SPRED1: variants seen among roughly 807,000 people sequenced by gnomAD.
The protein encoded by SPRED1 is sprouty related EVH1 domain containing 1.
Under a neutral mutation model 52.3 loss-of-function variants are expected in SPRED1, and 18 were observed. That is an observed-to-expected ratio of 0.34 (90% CI 0.24 to 0.51). The LOEUF is 0.51. Ranked by LOEUF, SPRED1 falls within the 20% of genes least tolerant of loss-of-function variation. The pLI is 0.97. For missense variants in SPRED1, 485 were observed against 551.0 expected (o/e 0.88, Z 1.20); for synonymous variants, 155 against 179.7 (o/e 0.86, Z 1.10).
chr15:38,352,557 T>C lies in SPRED1; in HGVS notation c.*893T>C, dbSNP rs542673653. 1 of 152,612 alleles carries C rather than the reference T, an allele frequency of 6.6e-6. No homozygotes were observed. Among genetic ancestry groups the C allele is most frequent in the African/African-American group, 2.4e-5 (1 of 41,570 alleles). 9.5% of individuals were successfully genotyped at this position (152,612 alleles called of 1,614,324 possible). A position where few individuals can be genotyped will look rare whatever the true frequency, so the allele number is the denominator to read the frequency against. On this transcript the variant is annotated 3_prime_UTR_variant, in exon 7 of 7. Transcript: ENST00000299084. The stretch of plus-strand genomic sequence containing the variant: ...CATTATAGAAAAAAAGTGAAGTTTT[T>C]TAGTTGTTTTTTGTGGTATTCAACC...
chr15:38,262,946 T>C (rs1033718868), intron 1 of SPRED1, among the ~76,000 whole-genome samples: 1 of 152,140 alleles, frequency 6.6e-6, no homozygotes, highest in Admixed American at 6.5e-5. Context: ...GACTCAGTAT[T>C]TTAAGTGAGG....
chr15:38,294,374 A>G (rs1450887031), intron 1 of SPRED1, among the ~76,000 whole-genome samples: 3 of 152,138 alleles, frequency 2.0e-5, no homozygotes, highest in Middle Eastern at 6.3e-3. Flanking sequence ...TTGTTTTAAT[A>G]CTATTGTAAT....
intron 4 of SPRED1, among the ~76,000 whole-genome samples, chr15:38,336,462 ATATTT>A (rs1895924753): frequency 1.4e-5 from 2 of 142,890 alleles, no homozygotes; most frequent in African/African-American, 2.5e-5. Context: ...TATATATATA[ATATTT>A]TATATATATG....
chr15:38,282,339 ACACATG>A (rs68161594), intron 1 of SPRED1, among the ~76,000 whole-genome samples: 89,766 of 140,848 alleles, frequency 0.64, 28,627 homozygotes, highest in Non-Finnish European at 0.74. Context: ...ACACACACAC[ACACATG>A]CACACACACA....
chr15:38,287,190 T>C (rs1380604018), intron 1 of SPRED1, among the ~76,000 whole-genome samples: 4 of 152,162 alleles, frequency 2.6e-5, no homozygotes, highest in African/African-American at 9.7e-5. Flanking sequence ...GGTCAGAGTT[T>C]TAGAAGCACA....
chr15:38,320,057 AAAT>A (rs1895571774), intron 2 of SPRED1, among the ~76,000 whole-genome samples: 1 of 152,186 alleles, frequency 6.6e-6, no homozygotes, highest in Non-Finnish European at 1.5e-5. Flanking sequence ...GTAATTGTAA[AAAT>A]ATAGTAAAAT....
At chr15:38,306,991 A>G (rs536538566) in intron 2 of SPRED1, among the ~76,000 whole-genome samples, 1 of 151,928 alleles carries the variant, frequency 6.6e-6, no homozygotes, top group African/African-American at 2.4e-5. Context: ...TCTCTTTTAT[A>G]CCTGATTGTG....
At chr15:38,316,320 A>C (rs1373091859) in intron 2 of SPRED1, among the ~76,000 whole-genome samples, 1 of 151,996 alleles carries the variant, frequency 6.6e-6, no homozygotes, top group Non-Finnish European at 1.5e-5. Context: ...ATTTTCGTAA[A>C]TAACATCTGT....
At chr15:38,339,927 G>C in intron 5 of SPRED1, 32 bp downstream of exon 5, 1 of 1,613,002 alleles carries the variant, frequency 6.2e-7, no homozygotes, top group Non-Finnish European at 8.5e-7. Context: ...TCGGCGCGTT[G>C]TTTATATGTG....
In SPRED1 at chr15:38,322,291, T is replaced by C; in HGVS notation, c.258T>C (p.Thr86=). 1 of 1,613,936 alleles carries C rather than the reference T, an allele frequency of 6.2e-7. No homozygotes were observed. The highest frequency in any genetic ancestry group is 8.5e-7 in the Non-Finnish European group (1 of 1,179,902). ...LKKDLIYNKV[T]PTFHHWKIDD... is the part of the protein sequence containing the mutation. ...AAGACCTCATTTATAATAAGGTCAC[T>C]CCAACATTTCACCACTGGAAGATTG... The change falls in exon 3 of 7, where the codon ACT becomes ACC. Residue 86 remains threonine (T), a synonymous_variant. Transcript: ENST00000299084.
chr15:38,348,805 A>G (rs548566694), intron 5 of SPRED1, among the ~76,000 whole-genome samples: 1 of 152,254 alleles, frequency 6.6e-6, no homozygotes, highest in East Asian at 1.9e-4. Flanking sequence ...AAACATTGAT[A>G]TATTCTAGCT....
chr15:38,263,167 T>C (rs969178578), intron 1 of SPRED1, among the ~76,000 whole-genome samples: 8 of 152,182 alleles, frequency 5.3e-5, no homozygotes, highest in Non-Finnish European at 7.3e-5. Context: ...GTAGGAAGGT[T>C]GTGGGATGAC....
intron 2 of SPRED1, among the ~76,000 whole-genome samples, chr15:38,319,580 G>GT (rs1895560447): frequency 6.6e-6 from 1 of 152,144 alleles, no homozygotes; most frequent in Admixed American, 6.5e-5. Context: ...GTTTCACTAT[G>GT]TTGGTCAGGA....
intron 6 of SPRED1, among the ~76,000 whole-genome samples, 166 bp downstream of exon 6, chr15:38,349,689 A>G (rs1166364293): frequency 6.6e-6 from 1 of 152,232 alleles, no homozygotes; most frequent in African/African-American, 2.4e-5. Flanking sequence ...AAAACTCTGC[A>G]AACTTCTCAT....
intron 4 of SPRED1, chr15:38,326,140 A>G (rs1444215723): frequency 2.0e-5 from 3 of 152,214 alleles, no homozygotes; most frequent in Non-Finnish European, 4.4e-5. Context: ...ATGAAAATGA[A>G]GAAAACCATA....
intron 2 of SPRED1, among the ~76,000 whole-genome samples, chr15:38,302,727 T>C (rs1360010228): frequency 6.6e-6 from 1 of 152,180 alleles, no homozygotes; most frequent in African/African-American, 2.4e-5. Context: ...CTCTGCATAA[T>C]TGGCTTTCAT....
At chr15:38,350,095 C>T (rs1251028826) in intron 6 of SPRED1, among the ~76,000 whole-genome samples, 1 of 152,170 alleles carries the variant, frequency 6.6e-6, no homozygotes, top group African/African-American at 2.4e-5. Flanking sequence ...ACATGTGTGT[C>T]TTTGTATTAA....
intron 1 of SPRED1, among the ~76,000 whole-genome samples, chr15:38,255,160 T>G (rs1209405893): frequency 6.6e-6 from 1 of 152,222 alleles, no homozygotes; most frequent in East Asian, 1.9e-4. Context: ...TTTTGTATAG[T>G]GATAGTGCGT....
In SPRED1 at chr15:38,302,150, G is replaced by T. The variant is rs148474603; in HGVS notation, c.207+2603G>T. 9.5e-3 allele frequency among the ~76,000 whole-genome samples: 1,437 copies of T among 152,000 alleles called. 27 individuals carry two copies. Among genetic ancestry groups the T allele is most frequent in the African/African-American group, 0.032 (1,331 of 41,442 alleles). On this transcript the variant is annotated intron_variant, in intron 2 of 6. Transcript: ENST00000299084. ...CCATGAATTCATGCCCTTGAAGAAAGAATAAATATTCAGAAGAGGAGTATA... is the reference window on the plus strand; with the variant it reads ...CCATGAATTCATGCCCTTGAAGAAATAATAAATATTCAGAAGAGGAGTATA...
Sources: gnomAD v4.1 joint callset for allele counts (sites outside exome capture counted in the v4.1 genomes callset) on GRCh38, gnomAD v4.1.1 for gene constraint, MANE v1.5 for transcripts, NCBI Gene and HGNC (gene_info 2026-07-23, HGNC 2026-07-21) for gene names.